TMEM132E: variants seen among roughly 807,000 people sequenced by gnomAD.
TMEM132E encodes the protein transmembrane protein 132E.
A neutral mutation model predicts 78.5 loss-of-function variants in TMEM132E; 49 were observed. That is an observed-to-expected ratio of 0.62 (90% CI 0.50 to 0.79). TMEM132E has a LOEUF of 0.79. TMEM132E is among the 30% of genes least tolerant of loss of function. TMEM132E has a pLI of 0.00. For synonymous variants in TMEM132E, 715 were observed against 670.6 expected (o/e 1.07, Z -1.02); for missense variants, 1,403 against 1,470.9 (o/e 0.95, Z 0.75).
chr17:34,634,440 A>T (rs1176350745), intron 6 of TMEM132E, among the ~76,000 whole-genome samples: 2 of 152,378 alleles, frequency 1.3e-5, no homozygotes, highest in African/African-American at 2.4e-5. Flanking sequence ...GCATTCTGTA[A>T]GAAGGATCAC....
At chr17:34,589,973 CG>C (rs1256981154) in intron 1 of TMEM132E, among the ~76,000 whole-genome samples, 1 of 152,196 alleles carries the variant, frequency 6.6e-6, no homozygotes, top group Non-Finnish European at 1.5e-5. Flanking sequence ...TGGCTGTACT[CG>C]GCAGGATAAA....
intron 1 of TMEM132E, among the ~76,000 whole-genome samples, chr17:34,598,879 T>C (rs563412203): frequency 6.6e-6 from 1 of 152,254 alleles, no homozygotes; most frequent in African/African-American, 2.4e-5. Context: ...GCACTCTTGA[T>C]TGTCCCGCCA....
rs1254820462 is a variant in TMEM132E, at chr17:34,605,224, C to A, written c.68-20903C>A. 3.3e-5 allele frequency among the ~76,000 whole-genome samples: 5 copies of A among 152,268 alleles called. 1 individual carries two copies. In the East Asian group the frequency reaches 5.8e-4, roughly 18 times the overall value. On this transcript the variant is annotated intron_variant, in intron 1 of 8. Transcript: ENST00000631683. ...CCTACTGTCGCACGGGCTGTTGGGG[C>A]CCTCAGAGCATGAATCGTGTAATAA...
rs1906338151 is a variant in TMEM132E at position 34,604,255 on chromosome 17, G to C, written c.68-21872G>C. 2.0e-5 allele frequency among the ~76,000 whole-genome samples: 3 copies of C among 152,058 alleles called. No homozygotes were observed. The South Asian group carries it at 6.2e-4, about 32-fold the overall frequency. Reference sequence around the variant, plus strand: ...CAGAATGGCTTCTTAGGAAGGGTTCGCTCCTTCTTTGCTGCTACTGCCTGT... The same window carrying C: ...CAGAATGGCTTCTTAGGAAGGGTTCCCTCCTTCTTTGCTGCTACTGCCTGT... On this transcript the variant is annotated intron_variant, in intron 1 of 8. Coordinates refer to ENST00000631683, the MANE Select transcript of TMEM132E (RefSeq NM_001304438.2).
At chr17:34,634,686 T>C (rs1415010798) in intron 6 of TMEM132E, 113 bp from the exon 7 acceptor site, 1 of 1,335,012 alleles carries the variant, frequency 7.5e-7, no homozygotes, top group Non-Finnish European at 1.0e-6. Context: ...AAGCTTGCTT[T>C]TGCAGAGCTT....
chr17:34,632,920 T>C lies in TMEM132E; in HGVS notation c.1688+11T>C. 1 of 1,613,846 alleles carries C rather than the reference T, an allele frequency of 6.2e-7. No homozygotes were observed. The highest frequency in any genetic ancestry group is 8.5e-7 in the Non-Finnish European group (1 of 1,179,976). On this transcript the variant is annotated intron_variant, in intron 6 of 8. Transcript: ENST00000631683. Reference sequence around the variant, plus strand: ...CCTCCCCGACCGGAGGTACAGCCCCTCTCCCATGGCGGATACTTGGGAAAC... The same window carrying C: ...CCTCCCCGACCGGAGGTACAGCCCCCCTCCCATGGCGGATACTTGGGAAAC...
At chr17:34,617,680 CACACAGCTATGTCAGA>C (rs1250916043) in intron 1 of TMEM132E, among the ~76,000 whole-genome samples, 1 of 152,180 alleles carries the variant, frequency 6.6e-6, no homozygotes, top group African/African-American at 2.4e-5. Context: ...TGCCCAAGGA[CACACAGCTATGTCAGA>C]GCTGAAATTT....
chr17:34,630,570 G>A (rs140476342), intron 5 of TMEM132E, among the ~76,000 whole-genome samples: 55 of 152,196 alleles, frequency 3.6e-4, no homozygotes, highest in African/African-American at 1.3e-3. Flanking sequence ...ACTTGGCAAG[G>A]CAGCAGGGGG....
At chr17:34,592,600 G>A (rs1001284229) in intron 1 of TMEM132E, among the ~76,000 whole-genome samples, 1 of 152,172 alleles carries the variant, frequency 6.6e-6, no homozygotes, top group South Asian at 2.1e-4. Context: ...GTAACCATAC[G>A]CATATTACTC....
In TMEM132E at chr17:34,632,414, G is replaced by A. The variant is rs150282175; in HGVS notation, c.1483-290G>A. ...CTCACCCTGGAGCGTCCTCCAAAGC[G>A]TGGCTCTGGCAGGTCAGGAACAGCC... On this transcript the variant is annotated intron_variant, in intron 5 of 8. Transcript: ENST00000631683. Among the ~76,000 whole-genome samples, 17 of 152,368 alleles carry A rather than the reference G, an allele frequency of 1.1e-4. 1 individual carries two copies. The highest frequency in any genetic ancestry group is 2.6e-4 in the African/African-American group (11 of 41,596).
chr17:34,637,643 A>G lies in TMEM132E; in HGVS notation c.2636A>G (p.Gln879Arg). ...DFLPLPTGFL[Q>R]VPRGLTDLEI... The stretch of plus-strand genomic sequence containing the variant: ...CTGCCGCTGCCCACCGGCTTCCTGC[A>G]GGTGCCACGGGGTCTGACAGACCTG... The change falls in exon 9 of 9, where the codon CAG becomes CGG. Residue 879 changes from glutamine (Q) to arginine (R), a missense_variant. By Grantham distance (43) the Gln-to-Arg change is conservative. Coordinates refer to ENST00000631683, the MANE Select transcript of TMEM132E (RefSeq NM_001304438.2). The G allele has an allele frequency of 2.5e-6, 4 of 1,606,750 alleles. No individual in the cohort carries two copies. Among genetic ancestry groups the G allele is most frequent in the Non-Finnish European group, 3.4e-6 (4 of 1,179,074 alleles).
chr17:34,635,984 A>G (rs988300578), intron 7 of TMEM132E, 23 bp from the exon 8 acceptor site: 1 of 1,373,422 alleles, frequency 7.3e-7, no homozygotes, highest in Non-Finnish European at 9.5e-7. Flanking sequence ...GTTCTCTCCC[A>G]CCCCGGTCCC....
At chr17:34,587,374 G>T (rs1234485298) in intron 1 of TMEM132E, among the ~76,000 whole-genome samples, 1 of 152,152 alleles carries the variant, frequency 6.6e-6, no homozygotes, top group Non-Finnish European at 1.5e-5. Context: ...GCAGTGGGGG[G>T]GAATGGTTCT....
intron 6 of TMEM132E, 50 bp downstream of exon 6, chr17:34,632,959 C>G (rs1907402284): frequency 1.1e-5 from 17 of 1,598,086 alleles, no homozygotes; most frequent in Non-Finnish European, 1.4e-5. Context: ...TGGGTGGATA[C>G]AGCCTCGGCC....
At position 34,634,920 on chromosome 17, in the gene TMEM132E, A is replaced by T. The variant is rs1907466107; in HGVS notation, c.1810A>T (p.Thr604Ser). The T allele has an allele frequency of 6.2e-7, 1 of 1,614,182 alleles. No homozygotes were observed. Among genetic ancestry groups the T allele is most frequent in the Non-Finnish European group, 8.5e-7 (1 of 1,180,036 alleles). ...TLQVFTQFHT[T>S]SSEGTDQVVT... ...GCAGGTCTTCACCCAGTTCCACACGACATCATCCGAGGGCACTGACCAGGT... is the reference window on the plus strand; with the variant it reads ...GCAGGTCTTCACCCAGTTCCACACGTCATCATCCGAGGGCACTGACCAGGT... Residue 604 changes from threonine (T) to serine (S), a missense_variant, in exon 7 of 9, where the codon ACA becomes TCA. By Grantham distance (58) the Thr-to-Ser change is moderately conservative. This residue lies in a region of TMEM132E where 888 missense variants were observed against 952.8 expected (regional missense o/e 0.93). Coordinates refer to ENST00000631683, the MANE Select transcript of TMEM132E (RefSeq NM_001304438.2).
Position 34,637,482 on chromosome 17 carries a change from G to A in TMEM132E, c.2475G>A (p.Pro825=), listed in dbSNP as rs1907563263. ...RDEEDPTYDY[P]GPSQPGPGGG... ...AGGAGGACCCCACTTATGACTACCC[G>A]GGCCCCAGCCAACCAGGGCCCGGCG... The change falls in exon 9 of 9, where the codon CCG becomes CCA. Residue 825 remains proline (P), a synonymous_variant. Coordinates refer to ENST00000631683, the MANE Select transcript of TMEM132E (RefSeq NM_001304438.2). 4 of 1,610,782 alleles carry A rather than the reference G, an allele frequency of 2.5e-6. No homozygotes were observed. The highest frequency in any genetic ancestry group is 2.2e-5 in the East Asian group (1 of 44,828).
intron 1 of TMEM132E, among the ~76,000 whole-genome samples, chr17:34,612,606 G>A (rs751467343): frequency 4.6e-5 from 7 of 152,192 alleles, no homozygotes; most frequent in East Asian, 1.9e-4. Context: ...CAGGAATGTC[G>A]TCAAAACATC....
rs1907600831 is a variant in TMEM132E, at chr17:34,638,106, G to T, written c.3099G>T (p.Ala1033=). Residue 1033 remains alanine (A), a synonymous_variant, in exon 9 of 9, where the codon GCG becomes GCT. Coordinates refer to ENST00000631683, the MANE Select transcript of TMEM132E (RefSeq NM_001304438.2). The part of the protein sequence containing the change: ...SEELAYDSVP[A]GEEDEEEEED... ...AGCTGGCCTATGACTCGGTGCCCGC[G>T]GGCGAAGAGGACGAGGAGGAGGAAG... The T allele has an allele frequency of 1.2e-6, 2 of 1,600,476 alleles. No homozygotes were observed. Among genetic ancestry groups the T allele is most frequent in the Admixed American group, 1.7e-5 (1 of 58,316 alleles).
Position 34,637,662 on chromosome 17 carries a change from A to C in TMEM132E, c.2655A>C (p.Thr885=), listed in dbSNP as rs146702736. Residue 885 remains threonine (T), a synonymous_variant, in exon 9 of 9, where the codon ACA becomes ACC. Transcript: ENST00000631683. The stretch of plus-strand genomic sequence containing the variant: ...TCCTGCAGGTGCCACGGGGTCTGAC[A>C]GACCTGGAGATCGGCATGTACGCGC... ...TGFLQVPRGL[T]DLEIGMYALL... is the part of the protein sequence containing the mutation. 1.0e-4 allele frequency: 168 copies of C among 1,609,350 alleles called. No homozygotes were observed. In the African/African-American group the frequency reaches 1.8e-3, roughly 17 times the overall value.
Sources: allele counts gnomAD v4.1 joint callset (sites outside exome capture counted in the v4.1 genomes callset), GRCh38; gene constraint gnomAD v4.1.1; regional missense constraint gnomAD v4.1.1; transcripts MANE v1.5; gene names NCBI Gene and HGNC (gene_info 2026-07-23, HGNC 2026-07-21).